The following ACOT11 variants were observed in gnomAD, a reference collection of about 807,000 sequenced individuals.
ACOT11 encodes acyl-coenzyme A thioesterase 11.
A neutral mutation model predicts 77.5 loss-of-function variants in ACOT11; 69 were observed. The observed-to-expected ratio is 0.89, with a 90% CI of 0.73 to 1.09. The LOEUF (loss-of-function observed/expected upper bound fraction) is 1.09. Among genes scored for constraint, ACOT11 ranks in the 50% least tolerant of loss-of-function variants. The pLI is 0.00. For synonymous variants in ACOT11, 279 were observed against 313.0 expected (o/e 0.89, Z 1.15); for missense variants, 766 against 813.7 (o/e 0.94, Z 0.71).
intron 10 of ACOT11, among the ~76,000 whole-genome samples, chr1:54,603,215 T>C (rs1472303532): frequency 6.6e-6 from 1 of 152,236 alleles, no homozygotes; most frequent in Non-Finnish European, 1.5e-5. Context: ...CTCTCGCCTG[T>C]AGTCCCAGTG....
At chr1:54,611,463 G>T, downstream of ACOT11, 1 of 725,338 alleles carries the variant, frequency 1.4e-6, no homozygotes, top group Non-Finnish European at 2.3e-6. Flanking sequence ...CCAGGGCCTG[G>T]CACACAAAAT....
intron 11 of ACOT11, 114 bp downstream of exon 11, chr1:54,604,051 G>C (rs116446296): frequency 2.0e-5 from 19 of 966,118 alleles, no homozygotes; most frequent in Non-Finnish European, 2.9e-5. Context: ...TGAATGACAC[G>C]CCTCATGATT....
At chr1:54,562,826 G>T (rs1481245652) in intron 1 of ACOT11, among the ~76,000 whole-genome samples, 6 of 106,996 alleles carry the variant, frequency 5.6e-5, no homozygotes, top group African/African-American at 1.1e-4. Flanking sequence ...GGGCAGAGAC[G>T]CTCCTCACTT....
At position 54,610,127 on chromosome 1, in the gene ACOT11, ACT is replaced by A. The variant is rs1380803696; in HGVS notation, c.*1018_*1019del. Reference sequence around the variant, plus strand: ...TATAAATGTGCCTGGTGCATGAGAAACTCTTGTTTCAGCTCTTGGCCTTTACC... The same window carrying A: ...TATAAATGTGCCTGGTGCATGAGAAACTTGTTTCAGCTCTTGGCCTTTACC... On this transcript the variant is annotated 3_prime_UTR_variant, in exon 16 of 16. Transcript: ENST00000343744. 2.1e-6 allele frequency: 3 copies of A among 1,422,910 alleles called. No homozygotes were observed. In the Admixed American group the frequency reaches 8.8e-5, roughly 42 times the overall value. The allele number at this position is 1,422,910 out of a possible 1,614,324, so 88.1% of individuals were successfully genotyped here. A position where few individuals can be genotyped will look rare whatever the true frequency, so the allele number is the denominator to read the frequency against.
At chr1:54,571,209 CCAGA>C (rs1431776337) in intron 1 of ACOT11, among the ~76,000 whole-genome samples, 1 of 152,102 alleles carries the variant, frequency 6.6e-6, no homozygotes, top group Non-Finnish European at 1.5e-5. Flanking sequence ...GGTTATCTAG[CCAGA>C]CAGTCTGAAG....
At chr1:54,620,877 A>AAAG (rs1644223342) in intron 15 of ACOT11, among the ~76,000 whole-genome samples, 4 of 135,006 alleles carry the variant, frequency 3.0e-5, no homozygotes, top group African/African-American at 8.4e-5. Context: ...AAAAAAAAAA[A>AAAG]GGCTGGGTTT....
chr1:54,612,544 A>G (rs1381923334), downstream of ACOT11: 1 of 1,613,994 alleles, frequency 6.2e-7, no homozygotes, highest in East Asian at 2.2e-5. Flanking sequence ...ACCATGGAAG[A>G]CCGTACAGGG....
chr1:54,557,554 A>G (rs1273060769), intron 1 of ACOT11, among the ~76,000 whole-genome samples: 1 of 152,182 alleles, frequency 6.6e-6, no homozygotes, highest in Non-Finnish European at 1.5e-5. Context: ...AGCTGGAATT[A>G]CAGGCATGAG....
chr1:54,548,441 C>A, intron 1 of ACOT11, 99 bp downstream of exon 1: 1 of 1,392,258 alleles, frequency 7.2e-7, no homozygotes, highest in Non-Finnish European at 9.8e-7. Flanking sequence ...TGCATCTCCT[C>A]ACACTCTCCA....
At chr1:54,574,175 A>G (rs1654021739) in intron 1 of ACOT11, among the ~76,000 whole-genome samples, 1 of 152,208 alleles carries the variant, frequency 6.6e-6, no homozygotes, top group Admixed American at 6.5e-5. Flanking sequence ...AGGTTGAAAC[A>G]CTTGCTCCTG....
At chr1:54,627,579 G>C (rs557609764) in intron 15 of ACOT11, among the ~76,000 whole-genome samples, 1 of 135,488 alleles carries the variant, frequency 7.4e-6, no homozygotes, top group African/African-American at 2.5e-5. Flanking sequence ...CTGTCAGGGG[G>C]CTCCAGCATT....
intron 1 of ACOT11, among the ~76,000 whole-genome samples, chr1:54,572,754 C>A (rs546463634): frequency 6.6e-6 from 1 of 152,190 alleles, no homozygotes; most frequent in Admixed American, 6.5e-5. Context: ...GAAGAACAGG[C>A]AGATTTGCTC....
At chr1:54,637,805 GTGCAACTC>G (rs1644339382) in exon 17 of ACOT11, 1 of 151,892 alleles carries the variant, frequency 6.6e-6, no homozygotes, top group Admixed American at 6.6e-5. Flanking sequence ...AAGGCTTAGT[GTGCAACTC>G]ATCAGAGTTG....
intron 4 of ACOT11, 48 bp downstream of exon 4, chr1:54,592,654 C>T (rs1654752261): frequency 6.3e-7 from 1 of 1,586,830 alleles, no homozygotes; most frequent in African/African-American, 1.3e-5. Flanking sequence ...GGTGGGTCCT[C>T]TACCTCCTCT....
intron 1 of ACOT11, among the ~76,000 whole-genome samples, chr1:54,576,361 G>T (rs12085607): frequency 0.023 from 3,534 of 152,004 alleles, 129 homozygotes; most frequent in African/African-American, 0.08. Flanking sequence ...AATTAGCTGG[G>T]TGGCACATGC....
At position 54,548,286 on chromosome 1, in the gene ACOT11, T is replaced by C. The variant is rs1336287564; in HGVS notation, c.-24T>C. The C allele has an allele frequency of 6.3e-7, 1 of 1,587,716 alleles. No homozygotes were observed. Among genetic ancestry groups the C allele is most frequent in the Non-Finnish European group, 8.6e-7 (1 of 1,167,368 alleles). ...CCAGCTTGTGTCTCTGGGAGGGCGC[T>C]GCTTTCCCCGGCCACCCGGCGCGAT... On this transcript the variant is annotated 5_prime_UTR_variant, in exon 1 of 16. Transcript: ENST00000343744.
chr1:54,614,814 A>G (rs1644154239), downstream of ACOT11: 2 of 1,613,988 alleles, frequency 1.2e-6, no homozygotes, highest in African/African-American at 1.3e-5. Context: ...CAGGAGGTCC[A>G]GGGAGGGGCC....
intron 1 of ACOT11, among the ~76,000 whole-genome samples, chr1:54,555,267 T>C (rs1653221688): frequency 6.6e-6 from 1 of 152,194 alleles, no homozygotes; most frequent in South Asian, 2.1e-4. Context: ...CTCTGGTTTT[T>C]TGATAGTAGC....
At chr1:54,631,203 G>A (rs764081977) in intron 16 of ACOT11, among the ~76,000 whole-genome samples, 7 of 152,252 alleles carry the variant, frequency 4.6e-5, no homozygotes, top group Middle Eastern at 3.4e-3. Flanking sequence ...CTTGAGCGAC[G>A]TCTCTTAGTT....
Sources: gnomAD v4.1 joint callset for allele counts (sites outside exome capture counted in the v4.1 genomes callset) on GRCh38, gnomAD v4.1.1 for gene constraint, MANE v1.5 for transcripts, NCBI Gene and HGNC (gene_info 2026-07-23, HGNC 2026-07-21) for gene names.